The following RCSD1 variants were observed in gnomAD, a reference collection of about 807,000 sequenced individuals.
RCSD1 encodes capZ-interacting protein.
A neutral mutation model predicts 42.5 loss-of-function variants in RCSD1; 26 were observed. That is an observed-to-expected ratio of 0.61 (90% CI 0.45 to 0.85). The LOEUF (loss-of-function observed/expected upper bound fraction) is 0.85. Among genes scored for constraint, RCSD1 ranks in the 40% least tolerant of loss-of-function variants. The probability of loss-of-function intolerance (pLI) is 0.00; values close to 1 mark genes in which losing one functional copy is unlikely to be tolerated. For synonymous variants in RCSD1, 220 were observed against 212.2 expected (o/e 1.04, Z -0.32); for missense variants, 571 against 528.3 (o/e 1.08, Z -0.79).
intron 1 of RCSD1, 93 bp from the exon 2 acceptor site, chr1:167,683,807 A>T: frequency 8.5e-7 from 1 of 1,175,480 alleles, no homozygotes; most frequent in Non-Finnish European, 1.2e-6. Context: ...CCTCACTGTC[A>T]CAGCATTCCT....
At chr1:167,632,349 C>T (rs1282344376) in intron 1 of RCSD1, among the ~76,000 whole-genome samples, 1 of 152,190 alleles carries the variant, frequency 6.6e-6, no homozygotes, top group Non-Finnish European at 1.5e-5. Flanking sequence ...AACTCTTAGA[C>T]TTCAAGCAGG....
chr1:167,660,779 T>A (rs1658524528), intron 1 of RCSD1, among the ~76,000 whole-genome samples: 1 of 152,184 alleles, frequency 6.6e-6, no homozygotes, highest in East Asian at 1.9e-4. Context: ...CAGCTTTAAT[T>A]CACTCTTGCA....
chr1:167,651,571 C>T (rs138242371), intron 1 of RCSD1, among the ~76,000 whole-genome samples: 1 of 152,326 alleles, frequency 6.6e-6, no homozygotes, highest in Non-Finnish European at 1.5e-5. Flanking sequence ...ACACAGAGTG[C>T]AATGCTGTGG....
chr1:167,660,475 G>GTT (rs60178930), intron 1 of RCSD1, among the ~76,000 whole-genome samples: 3,254 of 142,812 alleles, frequency 0.023, 127 homozygotes, highest in African/African-American at 0.078. Flanking sequence ...TCACTGTTTT[G>GTT]TTTTTTTTTT....
chr1:167,675,200 C>A (rs1658913137), intron 1 of RCSD1, among the ~76,000 whole-genome samples: 1 of 115,138 alleles, frequency 8.7e-6, no homozygotes, highest in African/African-American at 3.8e-5. Context: ...AATGAGACTC[C>A]ATCTCGGAAA....
At chr1:167,632,429 A>G (rs1363638124) in intron 1 of RCSD1, among the ~76,000 whole-genome samples, 1 of 152,192 alleles carries the variant, frequency 6.6e-6, no homozygotes, top group Non-Finnish European at 1.5e-5. Context: ...CCTTCCACAG[A>G]GGCAGTTTCT....
At chr1:167,658,971 A>G (rs1336120641) in intron 1 of RCSD1, among the ~76,000 whole-genome samples, 1 of 152,114 alleles carries the variant, frequency 6.6e-6, no homozygotes, top group Non-Finnish European at 1.5e-5. Flanking sequence ...TTACTTTCCC[A>G]AAAGGCTGTA....
At chr1:167,700,791 T>C (rs1440051423) in intron 6 of RCSD1, among the ~76,000 whole-genome samples, 11 of 152,186 alleles carry the variant, frequency 7.2e-5, no homozygotes, top group Admixed American at 6.5e-4. Context: ...TTAGTCCTTT[T>C]TGAGGATGAA....
intron 1 of RCSD1, among the ~76,000 whole-genome samples, chr1:167,634,286 G>C (rs765146953): frequency 1.3e-5 from 2 of 152,166 alleles, no homozygotes; most frequent in Non-Finnish European, 2.9e-5. Context: ...GGCTCCTTGA[G>C]GGCAGGGGCC....
chr1:167,698,813 G>T (rs6692893), intron 6 of RCSD1, among the ~76,000 whole-genome samples: 121,361 of 151,100 alleles, frequency 0.8, 49,019 homozygotes, highest in East Asian at 0.89. Context: ...TTTTGTTTTT[G>T]TTTTGAGAAG....
chr1:167,637,550 C>A lies in RCSD1; in HGVS notation c.6+7121C>A. Among the ~76,000 whole-genome samples, 2 of 152,174 alleles carry A rather than the reference C, an allele frequency of 1.3e-5. 1 individual carries two copies. The highest frequency in any genetic ancestry group is 2.9e-5 in the Non-Finnish European group (2 of 68,018). On this transcript the variant is annotated intron_variant, in intron 1 of 6. Coordinates refer to ENST00000367854, the MANE Select transcript of RCSD1 (RefSeq NM_052862.4). Reference sequence around the variant, plus strand: ...TGGCAGCCCTAGGGTGCAGAACACACAGGAGACCTCAATCTAATGGCAGCA... The same window carrying A: ...TGGCAGCCCTAGGGTGCAGAACACAAAGGAGACCTCAATCTAATGGCAGCA...
chr1:167,672,450 G>A (rs1234937390), intron 1 of RCSD1, among the ~76,000 whole-genome samples: 1 of 152,178 alleles, frequency 6.6e-6, no homozygotes, highest in Non-Finnish European at 1.5e-5. Flanking sequence ...TGGCAGGGCT[G>A]CATTTCTTCT....
At chr1:167,658,535 C>T (rs1324757205) in intron 1 of RCSD1, among the ~76,000 whole-genome samples, 1 of 152,304 alleles carries the variant, frequency 6.6e-6, no homozygotes, top group East Asian at 1.9e-4. Flanking sequence ...AAGCAATTCT[C>T]CTGCCTCAGC....
At chr1:167,697,940 CTCGACATGCAGAA>C in intron 6 of RCSD1, 98 bp downstream of exon 6, 1 of 1,278,140 alleles carries the variant, frequency 7.8e-7, no homozygotes, top group Non-Finnish European at 9.9e-7. Flanking sequence ...CATAAATCAG[CTCGACATGCAGAA>C]ACAAAGGTGC....
At chr1:167,655,505 T>A (rs935096851) in intron 1 of RCSD1, among the ~76,000 whole-genome samples, 1 of 152,222 alleles carries the variant, frequency 6.6e-6, no homozygotes, top group African/African-American at 2.4e-5. Flanking sequence ...TTCCTGAGAT[T>A]ATCAAAAAGT....
chr1:167,631,438 C>T (rs755949346), intron 1 of RCSD1, among the ~76,000 whole-genome samples: 8 of 152,224 alleles, frequency 5.3e-5, no homozygotes, highest in South Asian at 2.1e-4. Flanking sequence ...CAGTTAACTC[C>T]GCTATCTCTT....
chr1:167,641,098 C>G (rs957030393), intron 1 of RCSD1, among the ~76,000 whole-genome samples: 2 of 152,178 alleles, frequency 1.3e-5, no homozygotes, highest in Non-Finnish European at 2.9e-5. Flanking sequence ...CTGTGTCATC[C>G]ATACCCCTAG....
chr1:167,701,326 G>C (rs1258944635), intron 6 of RCSD1, among the ~76,000 whole-genome samples: 5 of 64,808 alleles, frequency 7.7e-5, no homozygotes, highest in Non-Finnish European at 1.0e-4. Flanking sequence ...CTTTTTTTTA[G>C]ATGGAGTGTT....
At chr1:167,668,736 T>TAA (rs57523926) in intron 1 of RCSD1, among the ~76,000 whole-genome samples, 1 of 130,434 alleles carries the variant, frequency 7.7e-6, no homozygotes, top group Non-Finnish European at 1.7e-5. Context: ...CAAGATGTAC[T>TAA]AAAAAAAAAA....
Sources: gnomAD v4.1 joint callset for allele counts (sites outside exome capture counted in the v4.1 genomes callset) on GRCh38, gnomAD v4.1.1 for gene constraint, MANE v1.5 for transcripts, NCBI Gene and HGNC (gene_info 2026-07-23, HGNC 2026-07-21) for gene names.